ZMYND11: variants seen among roughly 807,000 people sequenced by gnomAD.
ZMYND11 encodes zinc finger MYND domain-containing protein 11.
ZMYND11 carries 9 observed loss-of-function variants against 84.9 expected under a neutral mutation model. That is an observed-to-expected ratio of 0.11 (90% confidence interval 0.06 to 0.18). The LOEUF (loss-of-function observed/expected upper bound fraction) is 0.18, where lower values mean the gene tolerates loss of function less well. Among genes scored for constraint, ZMYND11 ranks in the 10% least tolerant of loss-of-function variants. ZMYND11 has a pLI of 1.00. For synonymous variants in ZMYND11, 250 were observed against 244.1 expected (o/e 1.02, Z -0.23); for missense variants, 409 against 761.0 (o/e 0.54, Z 5.44).
At chr10:167,047 A>G (rs764387935) in intron 1 of ZMYND11, among the ~76,000 whole-genome samples, 19 of 152,178 alleles carry the variant, frequency 1.2e-4, no homozygotes, top group Non-Finnish European at 2.4e-4. Context: ...ATATTAATAG[A>G]TACAGAAAGT....
At chr10:241,567 T>G (rs1950940245) in intron 9 of ZMYND11, among the ~76,000 whole-genome samples, 1 of 152,236 alleles carries the variant, frequency 6.6e-6, no homozygotes, top group Non-Finnish European at 1.5e-5. Flanking sequence ...AGCTGTATAA[T>G]TTCCCCAAAA....
At chr10:139,927 T>A (rs1837108141) in intron 1 of ZMYND11, among the ~76,000 whole-genome samples, 1 of 151,896 alleles carries the variant, frequency 6.6e-6, no homozygotes, top group African/African-American at 2.4e-5. Context: ...GGCCAGGCTC[T>A]TCTCAAACGT....
intron 4 of ZMYND11, among the ~76,000 whole-genome samples, chr10:231,127 T>C (rs1383268738): frequency 6.6e-6 from 1 of 152,236 alleles, no homozygotes; most frequent in Non-Finnish European, 1.5e-5. Context: ...TATTCACGAT[T>C]GCTTTGTCAT....
At chr10:227,569 GTC>G (rs1353789600) in intron 4 of ZMYND11, among the ~76,000 whole-genome samples, 4 of 152,134 alleles carry the variant, frequency 2.6e-5, no homozygotes, top group African/African-American at 7.2e-5. Context: ...TCATGATGAA[GTC>G]TCTCTGTTGA....
At chr10:206,285 AG>A (rs1007687882) in intron 2 of ZMYND11, among the ~76,000 whole-genome samples, 137 of 152,254 alleles carry the variant, frequency 9.0e-4, no homozygotes, top group African/African-American at 3.2e-3. Context: ...ACTTGAACCC[AG>A]GAGGCAGAGG....
At chr10:238,034 C>G (rs1368559674) in intron 6 of ZMYND11, among the ~76,000 whole-genome samples, 3 of 151,912 alleles carry the variant, frequency 2.0e-5, no homozygotes, top group Admixed American at 2.0e-4. Flanking sequence ...CCTGAGAGTT[C>G]CTCTCAGAAA....
At chr10:204,635 C>T (rs1943813929) in intron 2 of ZMYND11, among the ~76,000 whole-genome samples, 1 of 152,104 alleles carries the variant, frequency 6.6e-6, no homozygotes. Flanking sequence ...GGAAAAGTGA[C>T]AACCACAGAC....
At chr10:177,839 A>C (rs926499057) in intron 1 of ZMYND11, among the ~76,000 whole-genome samples, 1 of 152,118 alleles carries the variant, frequency 6.6e-6, no homozygotes, top group Non-Finnish European at 1.5e-5. Flanking sequence ...GCCTCCCTTG[A>C]ATTAATATAC....
intron 10 of ZMYND11, among the ~76,000 whole-genome samples, chr10:243,007 T>G (rs201278680): frequency 6.0e-4 from 2 of 3,348 alleles, no homozygotes; most frequent in African/African-American, 6.8e-4. Context: ...TAAGTGGTAA[T>G]TTTTAACATA....
chr10:176,677 A>G lies in ZMYND11; in HGVS notation c.-19-3317A>G, dbSNP rs565990022. On this transcript the variant is annotated intron_variant, in intron 1 of 14. Coordinates refer to ENST00000381604, the MANE Select transcript of ZMYND11 (RefSeq NM_001370100.5). ...CAATACATTTGTAAGAGATGTATAA[A>G]CAAATTGATATTAGAATACAGAGGA... Among the ~76,000 whole-genome samples, 12 of 152,334 alleles carry G rather than the reference A, an allele frequency of 7.9e-5. No homozygotes were observed. In the South Asian group the frequency reaches 2.5e-3, roughly 32 times the overall value.
intron 3 of ZMYND11, 131 bp downstream of exon 3, chr10:210,179 C>CCTG: frequency 1.0e-6 from 1 of 986,354 alleles, no homozygotes; most frequent in South Asian, 1.7e-5. Flanking sequence ...AACATTAAGG[C>CCTG]TCTACATTGG....
chr10:209,384 T>G (rs902083111), intron 2 of ZMYND11, among the ~76,000 whole-genome samples: 1 of 152,222 alleles, frequency 6.6e-6, no homozygotes, highest in Non-Finnish European at 1.5e-5. Flanking sequence ...CGTCCATGCT[T>G]TCCTTATATG....
intron 4 of ZMYND11, among the ~76,000 whole-genome samples, chr10:232,495 T>G (rs112343248): frequency 6.6e-6 from 1 of 152,244 alleles, no homozygotes; most frequent in Non-Finnish European, 1.5e-5. Context: ...GAGAGTCCTC[T>G]TTTTTGTTTG....
rs1222834748 is a variant in ZMYND11, at chr10:150,829, C to T, written c.-20+15270C>T. ...TCCCAAGTAGCCAAACTGGGAGGCA[C>T]CCCCCAGCAGGGGCAGACTGACACC... On this transcript the variant is annotated intron_variant, in intron 1 of 14. Transcript: ENST00000381604. 3.3e-5 allele frequency among the ~76,000 whole-genome samples: 5 copies of T among 152,188 alleles called. No homozygotes were observed. The East Asian group carries it at 5.8e-4, about 18-fold the overall frequency.
intron 8 of ZMYND11, among the ~76,000 whole-genome samples, chr10:240,419 G>C (rs1238906957): frequency 6.6e-6 from 1 of 152,184 alleles, no homozygotes; most frequent in Admixed American, 6.5e-5. Flanking sequence ...CAGGAGAATC[G>C]CTTGAACGTG....
intron 6 of ZMYND11, among the ~76,000 whole-genome samples, 159 bp downstream of exon 6, chr10:237,836 A>T (rs945809702): frequency 6.6e-6 from 1 of 152,236 alleles, no homozygotes; most frequent in East Asian, 1.9e-4. Context: ...CTACCAAATG[A>T]AGCATTATTA....
intron 1 of ZMYND11, among the ~76,000 whole-genome samples, chr10:152,042 C>T (rs2131336194): frequency 6.6e-6 from 1 of 152,252 alleles, no homozygotes; most frequent in Admixed American, 6.5e-5. Context: ...ACCAGGCCTG[C>T]CCTACAAGAG....
At chr10:166,112 G>C (rs538010784) in intron 1 of ZMYND11, among the ~76,000 whole-genome samples, 39 of 152,074 alleles carry the variant, frequency 2.6e-4, no homozygotes, top group Non-Finnish European at 4.4e-4. Flanking sequence ...AACTCCACAT[G>C]TGTCAGTAAC....
intron 1 of ZMYND11, among the ~76,000 whole-genome samples, chr10:157,070 A>AT (rs1554759461): frequency 6.6e-6 from 1 of 152,232 alleles, no homozygotes; most frequent in Non-Finnish European, 1.5e-5. Context: ...ACCATAGTGA[A>AT]CTTTTGATGC....
Sources: allele counts gnomAD v4.1 joint callset (sites outside exome capture counted in the v4.1 genomes callset), GRCh38; gene constraint gnomAD v4.1.1; transcripts MANE v1.5; gene names NCBI Gene and HGNC (gene_info 2026-07-23, HGNC 2026-07-21).